Variants in IMMP2L observed in about 807,000 individuals in gnomAD.
The protein encoded by IMMP2L is inner mitochondrial membrane peptidase subunit 2.
A neutral mutation model predicts 19.3 loss-of-function variants in IMMP2L; 18 were observed. The ratio of observed to expected loss-of-function variants is 0.93; its 90% confidence interval spans 0.64 to 1.38. The LOEUF is 1.38. Ranked by LOEUF, IMMP2L falls within the 40% of genes most tolerant of loss-of-function variation. The pLI is 0.00. For missense variants in IMMP2L, 233 were observed against 218.2 expected (o/e 1.07, Z -0.43); for synonymous variants, 76 against 73.0 (o/e 1.04, Z -0.21).
chr7:111,538,133 C>A (rs1312464437), intron 1 of IMMP2L, among the ~76,000 whole-genome samples: 2 of 152,100 alleles, frequency 1.3e-5, no homozygotes, highest in African/African-American at 4.8e-5. Flanking sequence ...CTCATCCTTA[C>A]CCCTAATCAG....
At chr7:111,197,420 G>T (rs935843019) in intron 3 of IMMP2L, among the ~76,000 whole-genome samples, 1 of 152,110 alleles carries the variant, frequency 6.6e-6, no homozygotes, top group Non-Finnish European at 1.5e-5. Context: ...CTGAGATCAC[G>T]CCACGGTGCT....
At chr7:111,366,756 A>G (rs1467983612) in intron 3 of IMMP2L, among the ~76,000 whole-genome samples, 1 of 152,012 alleles carries the variant, frequency 6.6e-6, no homozygotes, top group East Asian at 1.9e-4. Flanking sequence ...ATATATACAT[A>G]TATTCATTCT....
intron 3 of IMMP2L, among the ~76,000 whole-genome samples, chr7:111,036,804 T>C (rs1791403699): frequency 6.6e-6 from 1 of 152,182 alleles, no homozygotes. Flanking sequence ...GGTAAATAAG[T>C]GGCTTAACAT....
intron 3 of IMMP2L, among the ~76,000 whole-genome samples, chr7:110,965,883 A>G (rs960064288): frequency 6.6e-6 from 1 of 152,058 alleles, no homozygotes; most frequent in African/African-American, 2.4e-5. Flanking sequence ...ATGCCTTTCT[A>G]TAACACAATA....
chr7:110,804,209 G>C (rs1181497497), intron 5 of IMMP2L, among the ~76,000 whole-genome samples: 2 of 151,938 alleles, frequency 1.3e-5, no homozygotes, highest in Non-Finnish European at 2.9e-5. Context: ...CTTGGTATTA[G>C]AAACATAGTA....
At chr7:110,762,237 G>A (rs1336816758) in intron 5 of IMMP2L, among the ~76,000 whole-genome samples, 1 of 151,766 alleles carries the variant, frequency 6.6e-6, no homozygotes, top group South Asian at 2.1e-4. Flanking sequence ...TCTGGTAAAT[G>A]TATCACTTTT....
Position 110,778,802 on chromosome 7 carries a change from A to G in IMMP2L, c.408+107791T>C, listed in dbSNP as rs551869077. Among the ~76,000 whole-genome samples the G allele has an allele frequency of 5.6e-4, 85 of 152,052 alleles. 1 individual carries two copies. Among genetic ancestry groups the G allele is most frequent in the African/African-American group, 2.0e-3 (82 of 41,526 alleles). On this transcript the variant is annotated intron_variant, in intron 5 of 5. Coordinates refer to ENST00000405709, the MANE Select transcript of IMMP2L (RefSeq NM_032549.4). ...TTTTTTTTCCAAATACTATTCAGCT[A>G]TAAGTGGTGTGTTGGAAAATGTTTA...
At chr7:111,408,302 G>T (rs2131481072) in intron 3 of IMMP2L, among the ~76,000 whole-genome samples, 1 of 151,698 alleles carries the variant, frequency 6.6e-6, no homozygotes, top group East Asian at 1.9e-4. Flanking sequence ...AAGACAGCTT[G>T]GCCAGTACTT....
At chr7:111,402,808 T>C (rs1833549640) in intron 3 of IMMP2L, among the ~76,000 whole-genome samples, 1 of 151,932 alleles carries the variant, frequency 6.6e-6, no homozygotes, top group South Asian at 2.1e-4. Context: ...ATTAAAACTA[T>C]TTCCTAATAC....
intron 3 of IMMP2L, among the ~76,000 whole-genome samples, chr7:111,353,576 C>A (rs894197500): frequency 6.6e-6 from 1 of 152,036 alleles, no homozygotes; most frequent in African/African-American, 2.4e-5. Flanking sequence ...GTTTCAGGAG[C>A]CTACTTAGAA....
At chr7:110,707,196 C>A (rs1288284129) in intron 5 of IMMP2L, among the ~76,000 whole-genome samples, 64 of 66,900 alleles carry the variant, frequency 9.6e-4, no homozygotes, top group African/African-American at 3.7e-3. Context: ...TGATATTCCC[C>A]TTCCTGTGTC....
intron 3 of IMMP2L, among the ~76,000 whole-genome samples, chr7:111,164,828 A>T (rs1054284340): frequency 1.4e-4 from 22 of 151,830 alleles, no homozygotes; most frequent in East Asian, 3.9e-4. Context: ...ATTAAAAAAA[A>T]TTTTTTTTGC....
intron 1 of IMMP2L, among the ~76,000 whole-genome samples, chr7:111,522,938 T>TA (rs199823915): frequency 1.6e-4 from 24 of 148,778 alleles, no homozygotes; most frequent in Admixed American, 5.3e-4. Context: ...TATATATATA[T>TA]TATTTCACCA....
At chr7:111,375,178 T>A (rs1459729879) in intron 3 of IMMP2L, among the ~76,000 whole-genome samples, 2 of 151,932 alleles carry the variant, frequency 1.3e-5, no homozygotes, top group Non-Finnish European at 2.9e-5. Flanking sequence ...TGCCAAACAT[T>A]AAAAGGAACA....
chr7:111,520,373 C>A (rs1394399771), intron 2 of IMMP2L, among the ~76,000 whole-genome samples: 1 of 151,962 alleles, frequency 6.6e-6, no homozygotes, highest in Admixed American at 6.6e-5. Flanking sequence ...TAGCTTTTCC[C>A]AAAGAAGCTA....
chr7:111,080,491 TATGTGTGTATAATATATA>T (rs1224927531), intron 3 of IMMP2L, among the ~76,000 whole-genome samples: 4 of 94,116 alleles, frequency 4.3e-5, no homozygotes, highest in African/African-American at 1.1e-4. Flanking sequence ...TATTATATAT[TATGTGTGTATAATATATA>T]ATGTGTGTAT....
chr7:111,034,557 C>T (rs1791146909), intron 3 of IMMP2L, among the ~76,000 whole-genome samples: 1 of 152,044 alleles, frequency 6.6e-6, no homozygotes, highest in South Asian at 2.1e-4. Context: ...TCCTTCCCTC[C>T]ACCTATCTAT....
chr7:110,734,175 C>G (rs1056017631), intron 5 of IMMP2L, among the ~76,000 whole-genome samples: 7 of 152,092 alleles, frequency 4.6e-5, no homozygotes, highest in African/African-American at 1.7e-4. Context: ...CTGGTGAGAG[C>G]TCAAAGAAGA....
chr7:110,820,267 T>C (rs1802906751), intron 5 of IMMP2L, among the ~76,000 whole-genome samples: 1 of 152,096 alleles, frequency 6.6e-6, no homozygotes, highest in African/African-American at 2.4e-5. Flanking sequence ...TCAAGTATCA[T>C]TAAATATTCT....
Sources: gnomAD v4.1 joint callset for allele counts (sites outside exome capture counted in the v4.1 genomes callset) on GRCh38, gnomAD v4.1.1 for gene constraint, MANE v1.5 for transcripts, NCBI Gene and HGNC (gene_info 2026-07-23, HGNC 2026-07-21) for gene names.